The following CDH12 variants were observed in gnomAD, a reference collection of about 807,000 sequenced individuals.
The protein encoded by CDH12 is cadherin-12.
Under a neutral mutation model 74.1 loss-of-function variants are expected in CDH12, and 41 were observed. The ratio of observed to expected loss-of-function variants is 0.55; its 90% confidence interval spans 0.43 to 0.72. CDH12 has a LOEUF of 0.72. Ranked by LOEUF, CDH12 falls within the 30% of genes least tolerant of loss-of-function variation. The pLI is 0.00. For synonymous variants in CDH12, 399 were observed against 355.0 expected, an observed-to-expected ratio of 1.12 and a Z score of -1.39; for missense variants, 945 against 977.2, an observed-to-expected ratio of 0.97 and a Z score of 0.44.
chr5:21,778,466 C>CAAAAAAAAAAAAAAAA (rs70957061), intron 11 of CDH12, among the ~76,000 whole-genome samples: 2 of 52,608 alleles, frequency 3.8e-5, no homozygotes, highest in Non-Finnish European at 6.3e-5. Flanking sequence ...GCATATAAGC[C>CAAAAAAAAAAAAAAAA]AAAAAAAAAA....
At chr5:22,825,688 G>C (rs958954114) in intron 1 of CDH12, among the ~76,000 whole-genome samples, 5 of 152,152 alleles carry the variant, frequency 3.3e-5, no homozygotes, top group Non-Finnish European at 7.3e-5. Flanking sequence ...AACATTGTAA[G>C]TCCTCTGTAC....
At chr5:22,392,361 C>T (rs1342645763) in intron 3 of CDH12, among the ~76,000 whole-genome samples, 2 of 152,232 alleles carry the variant, frequency 1.3e-5, no homozygotes, top group Non-Finnish European at 2.9e-5. Context: ...TAACACTTGA[C>T]CCCCACCTGT....
chr5:22,037,459 C>A (rs961431527), intron 5 of CDH12, among the ~76,000 whole-genome samples: 1 of 152,126 alleles, frequency 6.6e-6, no homozygotes, highest in Non-Finnish European at 1.5e-5. Flanking sequence ...ACCCTTGTTT[C>A]CCTGAAAAAG....
chr5:22,095,465 G>A (rs569846340), intron 4 of CDH12, among the ~76,000 whole-genome samples: 7 of 152,008 alleles, frequency 4.6e-5, no homozygotes, highest in Non-Finnish European at 8.8e-5. Context: ...ATGTTTCAGA[G>A]GTGTCTGACC....
At chr5:22,558,667 C>T (rs1042346824) in intron 1 of CDH12, among the ~76,000 whole-genome samples, 24 of 151,740 alleles carry the variant, frequency 1.6e-4, no homozygotes, top group African/African-American at 5.6e-4. Flanking sequence ...AACCATAAAA[C>T]TTAAGGAAAT....
At chr5:22,624,451 C>T (rs1448401497) in intron 1 of CDH12, among the ~76,000 whole-genome samples, 1 of 152,040 alleles carries the variant, frequency 6.6e-6, no homozygotes, top group Non-Finnish European at 1.5e-5. Context: ...AGAACTCAAA[C>T]AAATTTACAA....
intron 3 of CDH12, among the ~76,000 whole-genome samples, chr5:22,225,178 T>A (rs2150371292): frequency 6.6e-6 from 1 of 152,236 alleles, no homozygotes; most frequent in East Asian, 1.9e-4. Flanking sequence ...CAGACAATGA[T>A]GACTTTGTGA....
intron 3 of CDH12, among the ~76,000 whole-genome samples, chr5:22,396,816 T>C (rs1411551815): frequency 2.6e-5 from 4 of 152,082 alleles, no homozygotes; most frequent in Admixed American, 2.6e-4. Flanking sequence ...GATTTTCTGT[T>C]AGTCATTGGT....
intron 3 of CDH12, among the ~76,000 whole-genome samples, chr5:22,314,164 A>G (rs770076801): frequency 1.6e-4 from 24 of 152,128 alleles, no homozygotes; most frequent in Non-Finnish European, 2.9e-4. Context: ...TGAAGTGTCA[A>G]TCGACATTCT....
At chr5:22,459,841 C>T (rs187189227) in intron 2 of CDH12, among the ~76,000 whole-genome samples, 75 of 152,160 alleles carry the variant, frequency 4.9e-4, no homozygotes, top group African/African-American at 1.8e-3. Context: ...TGGCACACAC[C>T]TGTAGTCCCA....
At chr5:22,319,194 G>A (rs1320325903) in intron 3 of CDH12, among the ~76,000 whole-genome samples, 1 of 152,168 alleles carries the variant, frequency 6.6e-6, no homozygotes, top group Admixed American at 6.5e-5. Context: ...GAAAGGATAA[G>A]TAATATAGAT....
At chr5:21,925,421 G>T (rs1270903619) in intron 6 of CDH12, among the ~76,000 whole-genome samples, 1 of 152,100 alleles carries the variant, frequency 6.6e-6, no homozygotes, top group South Asian at 2.1e-4. Flanking sequence ...GATGTGACTT[G>T]TGTCTATCCT....
chr5:22,413,946 T>C (rs940191751), intron 2 of CDH12, among the ~76,000 whole-genome samples: 1 of 152,052 alleles, frequency 6.6e-6, no homozygotes, highest in Admixed American at 6.6e-5. Flanking sequence ...TTATACTTTT[T>C]GCTTTTCAAA....
At chr5:22,556,058 A>G (rs550716814) in intron 1 of CDH12, among the ~76,000 whole-genome samples, 1 of 102,272 alleles carries the variant, frequency 9.8e-6, no homozygotes. Context: ...CTGAGAATTT[A>G]AAAAAAAAAA....
At chr5:21,819,207 A>C (rs1408315607) in intron 8 of CDH12, among the ~76,000 whole-genome samples, 1 of 151,990 alleles carries the variant, frequency 6.6e-6, no homozygotes, top group Non-Finnish European at 1.5e-5. Context: ...TACTTTCTTT[A>C]GATCATAAAT....
chr5:22,278,808 G>A (rs1736753120), intron 3 of CDH12, among the ~76,000 whole-genome samples: 1 of 151,986 alleles, frequency 6.6e-6, no homozygotes, highest in Admixed American at 6.6e-5. Context: ...CAGAGCAGAG[G>A]GGAAGGTAGC....
chr5:22,648,596 A>G (rs1739565016), intron 1 of CDH12, among the ~76,000 whole-genome samples: 1 of 151,886 alleles, frequency 6.6e-6, no homozygotes, highest in Admixed American at 6.6e-5. Context: ...ACATACACGC[A>G]GGTTTAAATA....
rs538776788 is a variant in CDH12, at chr5:22,285,097, C to T, written c.-332-72454G>A. On this transcript the variant is annotated intron_variant, in intron 3 of 14. Coordinates refer to ENST00000382254, the MANE Select transcript of CDH12 (RefSeq NM_004061.5). ...TATCTTACAAATTCATGGAATAAAA[C>T]AATCAAAAAATTAATTAGTCTTTAC... is the stretch of plus-strand genomic sequence containing the variant. 2.0e-5 allele frequency among the ~76,000 whole-genome samples: 3 copies of T among 151,966 alleles called. No homozygotes were observed. In the South Asian group the frequency reaches 6.2e-4, roughly 32 times the overall value.
intron 4 of CDH12, among the ~76,000 whole-genome samples, chr5:22,128,093 T>C (rs570487744): frequency 1.3e-5 from 2 of 152,292 alleles, no homozygotes; most frequent in East Asian, 3.9e-4. Context: ...AGTTCATTAT[T>C]GTTCTTCACT....
Sources: gnomAD v4.1 joint callset for allele counts (sites outside exome capture counted in the v4.1 genomes callset) on GRCh38, gnomAD v4.1.1 for gene constraint, MANE v1.5 for transcripts, NCBI Gene and HGNC (gene_info 2026-07-23, HGNC 2026-07-21) for gene names.